The following BACH1 variants were observed in gnomAD, a reference collection of about 807,000 sequenced individuals.
The protein encoded by BACH1 is BTB domain and CNC homolog 1.
Under a neutral mutation model 52.9 loss-of-function variants are expected in BACH1, and 35 were observed. The observed-to-expected ratio is 0.66, with a 90% confidence interval of 0.51 to 0.88. The LOEUF is 0.88. BACH1 is among the 40% of genes least tolerant of loss of function. The probability of loss-of-function intolerance (pLI) is 0.00; values close to 1 mark genes in which losing one functional copy is unlikely to be tolerated. For missense variants in BACH1, 808 were observed against 872.6 expected (o/e 0.93, Z 0.93); for synonymous variants, 321 against 319.6 (o/e 1.00, Z -0.05).
intron 2 of BACH1, among the ~76,000 whole-genome samples, chr21:29,352,300 C>CGCCTCG (rs2089207468): frequency 6.6e-6 from 1 of 152,008 alleles, no homozygotes; most frequent in African/African-American, 2.4e-5. Flanking sequence ...GTGATCCGCC[C>CGCCTCG]GCCTCGGCCT....
chr21:29,328,849 A>C (rs1243739674), intron 3 of BACH1, among the ~76,000 whole-genome samples: 1 of 152,124 alleles, frequency 6.6e-6, no homozygotes, highest in African/African-American at 2.4e-5. Context: ...ATGCCTCCCA[A>C]GTTCTCCATA....
intron 2 of BACH1, among the ~76,000 whole-genome samples, chr21:29,355,950 T>C (rs2089232030): frequency 6.6e-6 from 1 of 152,122 alleles, no homozygotes; most frequent in South Asian, 2.1e-4. Context: ...AGATGCAGAG[T>C]CCTCCTTTCT....
rs528217847 is a variant in BACH1, at chr21:29,340,996, A to G, written c.1777-1403A>G. On this transcript the variant is annotated intron_variant, in intron 4 of 4. Coordinates refer to ENST00000286800, the MANE Select transcript of BACH1 (RefSeq NM_001186.4). ...AAAAAAAAAAAAAAAAAGAACTTGT[A>G]TATAAAAATCTGAACAGATTGGAGA... 2.0e-5 allele frequency among the ~76,000 whole-genome samples: 3 copies of G among 151,790 alleles called. No homozygotes were observed. The East Asian group carries it at 5.8e-4, about 29-fold the overall frequency.
Position 29,352,860 on chromosome 21 carries a change from C to T in BACH1, c.472+23167C>T, listed in dbSNP as rs1002680657. On this transcript the variant is annotated intron_variant, in intron 2 of 4. Transcript: ENST00000422809. ...CCAAGTAGCTGGGACTACAGGTGCT[C>T]GCCACCACACCTGGCTAATTTTTGT... Among the ~76,000 whole-genome samples the T allele has an allele frequency of 9.2e-5, 14 of 151,812 alleles. 1 individual carries two copies. The highest frequency in any genetic ancestry group is 4.4e-5 in the Non-Finnish European group (3 of 67,980).
chr21:29,349,746 C>T (rs1032277591), downstream of BACH1, among the ~76,000 whole-genome samples: 1 of 152,072 alleles, frequency 6.6e-6, no homozygotes, highest in Non-Finnish European at 1.5e-5. Context: ...CACCAGGTAC[C>T]GTGTTCTAAG....
chr21:29,314,181 T>G (rs1343159960), intron 1 of BACH1, among the ~76,000 whole-genome samples: 1 of 152,216 alleles, frequency 6.6e-6, no homozygotes, highest in Non-Finnish European at 1.5e-5. Flanking sequence ...CTCTTTGTAG[T>G]AAGAAGGTAT....
At position 29,321,390 on chromosome 21, in the gene BACH1, C is replaced by A; in HGVS notation, c.110C>A (p.Thr37Asn). 1 of 1,614,214 alleles carries A rather than the reference C, an allele frequency of 6.2e-7. No homozygotes were observed. The highest frequency in any genetic ancestry group is 8.5e-7 in the Non-Finnish European group (1 of 1,180,040). ...AAGAAAGATGTGCTGTGCGATGTCACCATCTTTGTGGAGGGACAGCGGTTC... is the reference window on the plus strand; with the variant it reads ...AAGAAAGATGTGCTGTGCGATGTCAACATCTTTGTGGAGGGACAGCGGTTC... Reference protein sequence around the residue: ...QRKKDVLCDVTIFVEGQRFRA... With the variant: ...QRKKDVLCDVNIFVEGQRFRA... Residue 37 changes from threonine to asparagine, a missense_variant, in exon 2 of 5, where the codon ACC (threonine) becomes AAC (asparagine). Physicochemically the swap from Thr to Asn is moderately conservative, Grantham distance 65. Transcript: ENST00000286800.
At chr21:29,331,152 T>C (rs1485269417) in intron 4 of BACH1, among the ~76,000 whole-genome samples, 1 of 152,208 alleles carries the variant, frequency 6.6e-6, no homozygotes, top group Non-Finnish European at 1.5e-5. Context: ...AGAAGGAGTA[T>C]AGCATTTTGA....
intron 1 of BACH1, among the ~76,000 whole-genome samples, chr21:29,308,644 G>T (rs9977184): frequency 7.9e-5 from 12 of 152,102 alleles, no homozygotes; most frequent in African/African-American, 2.9e-4. Context: ...CCTGCAGGGG[G>T]TCATTTTGGC....
chr21:29,340,927 A>G (rs2089104120), intron 4 of BACH1, among the ~76,000 whole-genome samples: 1 of 151,916 alleles, frequency 6.6e-6, no homozygotes, highest in African/African-American at 2.4e-5. Context: ...GATTTTGCTT[A>G]CATACACATA....
At chr21:29,319,004 T>C (rs1153293) in intron 1 of BACH1, among the ~76,000 whole-genome samples, 110,803 of 152,120 alleles carry the variant, frequency 0.73, 41,860 homozygotes, top group African/African-American at 0.92. Context: ...GTGGCAATTC[T>C]CCATCTTTGT....
intron 2 of BACH1, among the ~76,000 whole-genome samples, chr21:29,324,431 G>A (rs1464479795): frequency 6.6e-6 from 1 of 151,848 alleles, no homozygotes. Flanking sequence ...TATATAAATG[G>A]AATTATGCAG....
chr21:29,332,208 A>T (rs938600691), intron 4 of BACH1, among the ~76,000 whole-genome samples: 8 of 152,176 alleles, frequency 5.3e-5, no homozygotes, highest in African/African-American at 1.7e-4. Context: ...TGCTGGGATT[A>T]CAGGTGTGAG....
At chr21:29,336,315 A>G (rs76413578) in intron 4 of BACH1, among the ~76,000 whole-genome samples, 4,232 of 152,184 alleles carry the variant, frequency 0.028, 182 homozygotes, top group African/African-American at 0.096. Flanking sequence ...AGTTGAGGAG[A>G]CTGAGTTTAA....
rs749628333 is a variant in BACH1, at chr21:29,321,474, G to A, written c.194G>A (p.Gly65Asp). The A allele has an allele frequency of 2.5e-6, 4 of 1,614,060 alleles. No homozygotes were observed. Among genetic ancestry groups the A allele is most frequent in the Non-Finnish European group, 1.7e-6 (2 of 1,180,022 alleles). ...AGTTACTTCCACTCAAGAATCGTAG[G>A]CCAGGCTGATGGAGAGCTGAACATT... ...CSSYFHSRIVGQADGELNITL... is the reference protein window; with the variant it reads ...CSSYFHSRIVDQADGELNITL... Residue 65 changes from glycine (G) to aspartate (D), a missense_variant, in exon 2 of 5, where the codon GGC becomes GAC. Physicochemically the swap from Gly to Asp is moderately conservative, Grantham distance 94. Transcript: ENST00000286800.
At chr21:29,351,083 A>G (rs184339896), downstream of BACH1, among the ~76,000 whole-genome samples, 88 of 152,308 alleles carry the variant, frequency 5.8e-4, no homozygotes, top group African/African-American at 2.1e-3. Flanking sequence ...TTACCTTTTC[A>G]TTTTAAAACA....
intron 1 of BACH1, among the ~76,000 whole-genome samples, chr21:29,308,440 G>A (rs561929347): frequency 1.3e-5 from 2 of 152,068 alleles, no homozygotes; most frequent in African/African-American, 4.8e-5. Flanking sequence ...ATTGCCCTAC[G>A]GTAACTTCTG....
intron 4 of BACH1, among the ~76,000 whole-genome samples, chr21:29,333,958 A>G (rs1404474699): frequency 2.0e-5 from 3 of 152,180 alleles, no homozygotes; most frequent in Non-Finnish European, 4.4e-5. Flanking sequence ...GGAAAAATGG[A>G]TGGTATTGAC....
At chr21:29,321,971 C>A (rs567072509) in intron 2 of BACH1, among the ~76,000 whole-genome samples, 1 of 152,248 alleles carries the variant, frequency 6.6e-6, no homozygotes, top group Non-Finnish European at 1.5e-5. Context: ...CTCACAGTTG[C>A]ACATGGCTGG....
Sources: allele counts gnomAD v4.1 joint callset (sites outside exome capture counted in the v4.1 genomes callset), GRCh38; gene constraint gnomAD v4.1.1; transcripts MANE v1.5; gene names NCBI Gene and HGNC (gene_info 2026-07-23, HGNC 2026-07-21).